NPRL3: variants seen among roughly 807,000 people sequenced by gnomAD.
NPRL3 encodes GATOR1 complex protein NPRL3.
Under a neutral mutation model 57.2 loss-of-function variants are expected in NPRL3, and 23 were observed. The observed-to-expected ratio is 0.40, with a 90% confidence interval of 0.29 to 0.57. The LOEUF is 0.57. Among genes scored for constraint, NPRL3 ranks in the 20% least tolerant of loss-of-function variants. NPRL3 has a pLI of 0.42. For missense variants in NPRL3, 691 were observed against 767.1 expected (o/e 0.90, Z 1.17); for synonymous variants, 333 against 321.1 (o/e 1.04, Z -0.39).
chr16:122,629 A>G (rs980314721), intron 3 of NPRL3, among the ~76,000 whole-genome samples: 1 of 152,232 alleles, frequency 6.6e-6, no homozygotes, highest in African/African-American at 2.4e-5. Flanking sequence ...AAAACTGAAG[A>G]TTCCTGGAAT....
chr16:134,865 C>A (rs1173432030), intron 2 of NPRL3, among the ~76,000 whole-genome samples: 5 of 151,072 alleles, frequency 3.3e-5, no homozygotes, highest in African/African-American at 4.9e-5. Flanking sequence ...CCACGCCCGG[C>A]TAATTTTTTG....
intron 7 of NPRL3, among the ~76,000 whole-genome samples, chr16:100,736 A>G (rs1262973549): frequency 2.7e-5 from 4 of 147,926 alleles, no homozygotes; most frequent in East Asian, 4.0e-4. Context: ...TTGGGAGGCC[A>G]AGGTGGGCGG....
At chr16:93,382 G>GGC (rs1898847871) in intron 9 of NPRL3, 57 bp from the exon 10 acceptor site, 1 of 1,175,548 alleles carries the variant, frequency 8.5e-7, no homozygotes, top group African/African-American at 1.5e-5. Context: ...ACCGGGAGCT[G>GGC]TCAGCAGCTC....
Position 138,318 on chromosome 16 carries a change from CCGGAGGCGGAGGGGGCCTGAGGAGGACG to C in NPRL3, c.-67-12_-52del. On this transcript the variant is annotated splice_acceptor_variant and splice_polypyrimidine_tract_variant and 5_prime_UTR_variant and intron_variant, in exon 2 of 14. Transcript: ENST00000611875. LOFTEE classifies it low-confidence loss of function (5UTR_SPLICE). ...CGGAGGGGGCCAGAGGAGGACGGAG[CCGGAGGCGGAGGGGGCCTGAGGAGGACG>C]GAGCCGGAGGCGGAGGGGGCCTGAG... 2 of 895,548 alleles carry C rather than the reference CCGGAGGCGGAGGGGGCCTGAGGAGGACG, an allele frequency of 2.2e-6. No homozygotes were observed. Among genetic ancestry groups the C allele is most frequent in the Admixed American group, 9.7e-5 (2 of 20,668 alleles). The allele number at this position is 895,548 out of a possible 1,614,324, so 55.5% of individuals were successfully genotyped here.
chr16:138,081 C>T (rs1901195383), intron 2 of NPRL3, 69 bp downstream of exon 2: 1 of 1,249,278 alleles, frequency 8.0e-7, no homozygotes, highest in Non-Finnish European at 1.1e-6. Context: ...CGAGGCGGCC[C>T]TGGAATGAGG....
chr16:130,711 A>G, intron 2 of NPRL3, 120 bp from the exon 3 acceptor site: 1 of 887,164 alleles, frequency 1.1e-6, no homozygotes, highest in East Asian at 2.7e-5. Context: ...ACCATGGAAT[A>G]TTACTCAGAC....
In NPRL3 at chr16:98,634, C is replaced by T. The variant is rs976274289; in HGVS notation, c.768-333G>A. On this transcript the variant is annotated intron_variant, in intron 8 of 13. Coordinates refer to ENST00000611875, the MANE Select transcript of NPRL3 (RefSeq NM_001077350.3). ...CGGGATTTGAGAAAAGGGCAGTGGT[C>T]TGTTTGGAGGCCTTCACAAAATCTG... Among the ~76,000 whole-genome samples the T allele has an allele frequency of 1.4e-4, 22 of 152,224 alleles. 1 individual carries two copies. Among genetic ancestry groups the T allele is most frequent in the South Asian group, 8.3e-4 (4 of 4,832 alleles).
chr16:127,744 T>A (rs1186925768), intron 3 of NPRL3, among the ~76,000 whole-genome samples: 1 of 150,130 alleles, frequency 6.7e-6, no homozygotes, highest in Non-Finnish European at 1.5e-5. Context: ...AAGCTCCGCC[T>A]CCCGGGTTCA....
chr16:133,814 G>C lies in NPRL3; in HGVS notation c.119-3223C>G, dbSNP rs140582300. 1.0e-3 allele frequency among the ~76,000 whole-genome samples: 157 copies of C among 152,296 alleles called. 2 individuals carry two copies. Among genetic ancestry groups the C allele is most frequent in the Non-Finnish European group, 2.8e-4 (19 of 68,032 alleles). On this transcript the variant is annotated intron_variant, in intron 2 of 13. Transcript: ENST00000611875. ...ATTTCTAGCTTTTGATTTAATGTGAGAAACATGTGATTCTTTATTTCACTT... is the reference window on the plus strand; with the variant it reads ...ATTTCTAGCTTTTGATTTAATGTGACAAACATGTGATTCTTTATTTCACTT...
intron 3 of NPRL3, among the ~76,000 whole-genome samples, chr16:126,607 C>T (rs1900530988): frequency 6.6e-6 from 1 of 152,106 alleles, no homozygotes; most frequent in African/African-American, 2.4e-5. Context: ...CAGAGAGGGA[C>T]ATGCCCACAC....
intron 7 of NPRL3, among the ~76,000 whole-genome samples, chr16:101,157 A>C (rs1032127140): frequency 6.6e-6 from 1 of 151,940 alleles, no homozygotes; most frequent in Non-Finnish European, 1.5e-5. Context: ...CCTGGCAGAC[A>C]CCCAACACCC....
At chr16:121,836 G>A (rs980525791) in intron 3 of NPRL3, among the ~76,000 whole-genome samples, 1 of 151,848 alleles carries the variant, frequency 6.6e-6, no homozygotes, top group African/African-American at 2.4e-5. Flanking sequence ...GTGCAATGAC[G>A]TAATCTCGGC....
intron 13 of NPRL3, among the ~76,000 whole-genome samples, chr16:87,792 G>T (rs1056214778): frequency 6.7e-6 from 1 of 148,192 alleles, no homozygotes; most frequent in Non-Finnish European, 1.5e-5. Context: ...GGATGATCTC[G>T]ATCTCCTGAC....
intron 7 of NPRL3, among the ~76,000 whole-genome samples, chr16:101,379 G>A (rs540557171): frequency 1.5e-4 from 23 of 152,334 alleles, no homozygotes; most frequent in African/African-American, 5.3e-4. Flanking sequence ...TGCAGTGCAT[G>A]TGGATACCAA....
In NPRL3 at chr16:89,741, C is replaced by G; in HGVS notation, c.1323G>C (p.Thr441=). Residue 441 remains threonine (T), a synonymous_variant, in exon 12 of 14, where the codon ACG becomes ACC. Coordinates refer to ENST00000611875, the MANE Select transcript of NPRL3 (RefSeq NM_001077350.3). ...TARVGGRSLS[T]PNALSFGSPT... is the part of the protein sequence containing the mutation. ...GGGAGCCAAAGCTGAGGGCGTTGGG[C>G]GTGCTGAGGCTGCGACCGCCGACCC... The G allele has an allele frequency of 1.3e-6, 2 of 1,592,944 alleles. No homozygotes were observed.
At chr16:98,006 A>G in intron 9 of NPRL3, 139 bp downstream of exon 9, 4 of 1,039,316 alleles carry the variant, frequency 3.8e-6, no homozygotes, top group Non-Finnish European at 5.5e-6. Flanking sequence ...CATCCCAGGG[A>G]CTGGCCCCAC....
chr16:94,802 GTC>G (rs1040573470), intron 9 of NPRL3, among the ~76,000 whole-genome samples: 76 of 152,230 alleles, frequency 5.0e-4, no homozygotes, highest in African/African-American at 1.7e-3. Context: ...CCACTCGCAT[GTC>G]TCTCTCAAAA....
In NPRL3 at chr16:119,179, C is replaced by T. The variant is rs1900180479; in HGVS notation, c.265G>A (p.Asp89Asn). Residue 89 changes from aspartate (D) to asparagine (N), a missense_variant, in exon 4 of 14, where the codon GAT (aspartate) becomes AAT (asparagine). Coordinates refer to ENST00000611875, the MANE Select transcript of NPRL3 (RefSeq NM_001077350.3). Reference sequence around the variant, plus strand: ...GGGTGCCCAACAAATCGCACATTATCAATCTTCAGTTCAAATTTTTGGCCA... The same window carrying T: ...GGGTGCCCAACAAATCGCACATTATTAATCTTCAGTTCAAATTTTTGGCCA... ...MCGQKFELKI[D>N]NVRFVGHPTL... 1 of 1,612,978 alleles carries T rather than the reference C, an allele frequency of 6.2e-7. No homozygotes were observed. Among genetic ancestry groups the T allele is most frequent in the Admixed American group, 1.7e-5 (1 of 59,832 alleles).
At chr16:117,575 C>G (rs1024803453) in intron 4 of NPRL3, among the ~76,000 whole-genome samples, 200 bp from the exon 5 acceptor site, 1 of 152,220 alleles carries the variant, frequency 6.6e-6, no homozygotes, top group Non-Finnish European at 1.5e-5. Context: ...GGTCAGTGCT[C>G]TGACCCCCTC....
Sources: gnomAD v4.1 joint callset for allele counts (sites outside exome capture counted in the v4.1 genomes callset) on GRCh38, gnomAD v4.1.1 for gene constraint, MANE v1.5 for transcripts, NCBI Gene and HGNC (gene_info 2026-07-23, HGNC 2026-07-21) for gene names.